GALNT10: variants seen among roughly 807,000 people sequenced by gnomAD.
GALNT10 encodes the protein polypeptide N-acetylgalactosaminyltransferase 10.
A neutral mutation model predicts 75.0 loss-of-function variants in GALNT10; 41 were observed. That is an observed-to-expected ratio of 0.55 (90% CI 0.43 to 0.71). The LOEUF (loss-of-function observed/expected upper bound fraction) is 0.71, where lower values mean the gene tolerates loss of function less well. GALNT10 is among the 30% of genes least tolerant of loss of function. GALNT10 has a pLI of 0.00. For missense variants in GALNT10, 727 were observed against 818.5 expected, an observed-to-expected ratio of 0.89 and a Z score of 1.36; for synonymous variants, 302 against 313.0, an observed-to-expected ratio of 0.96 and a Z score of 0.37.
At position 154,380,645 on chromosome 5, in the gene GALNT10, AC is replaced by A. The variant is rs779117660; in HGVS notation, c.938+17del. 5 of 1,588,766 alleles carry A rather than the reference AC, an allele frequency of 3.1e-6. No homozygotes were observed. Among genetic ancestry groups the A allele is most frequent in the African/African-American group, 1.3e-5 (1 of 74,422 alleles). On this transcript the variant is annotated intron_variant, in intron 6 of 11. Transcript: ENST00000297107. ...CGACCCATTTGAGTAAGTATGAACA[AC>A]CCTGGCTGGTCCCAGTGGCTACCCA...
Position 154,292,856 on chromosome 5 carries a change from C to T in GALNT10, c.160-1960C>T, listed in dbSNP as rs79271542. ...TCTTCCCAAGGCAGTGCCGGGGTCC[C>T]CTCCTGTAGAACTGTATCCTGAACT... On this transcript the variant is annotated intron_variant, in intron 1 of 11. Transcript: ENST00000297107. Among the ~76,000 whole-genome samples the T allele has an allele frequency of 9.5e-3, 1,444 of 152,266 alleles. 16 individuals are homozygous for T. The highest frequency in any genetic ancestry group is 0.033 in the African/African-American group (1,365 of 41,540).
At chr5:154,370,274 A>G (rs1755546132) in intron 4 of GALNT10, among the ~76,000 whole-genome samples, 1 of 152,236 alleles carries the variant, frequency 6.6e-6, no homozygotes, top group Non-Finnish European at 1.5e-5. Context: ...CCCTGGTGAG[A>G]GGAGCATTCA....
At chr5:154,322,392 A>T (rs1172092787) in intron 3 of GALNT10, among the ~76,000 whole-genome samples, 1 of 152,046 alleles carries the variant, frequency 6.6e-6, no homozygotes, top group Admixed American at 6.5e-5. Flanking sequence ...CTTCTGTCTC[A>T]TCTTTTAATG....
At chr5:154,406,086 C>T (rs1412983870) in intron 8 of GALNT10, 1 of 151,852 alleles carries the variant, frequency 6.6e-6, no homozygotes, top group East Asian at 1.9e-4. Flanking sequence ...GAACATGAAA[C>T]GTGATGTTGG....
intron 1 of GALNT10, among the ~76,000 whole-genome samples, chr5:154,238,677 G>A (rs1753286281): frequency 6.6e-6 from 1 of 152,096 alleles, no homozygotes; most frequent in Non-Finnish European, 1.5e-5. Flanking sequence ...GGCTGCCGTG[G>A]GGGATTCATT....
chr5:154,388,358 C>T (rs907139241), intron 7 of GALNT10: 1 of 152,226 alleles, frequency 6.6e-6, no homozygotes, highest in African/African-American at 2.4e-5. Context: ...AACAATGGTG[C>T]ATCCACTCCA....
chr5:154,374,881 T>C (rs1755630913), intron 4 of GALNT10, among the ~76,000 whole-genome samples: 1 of 152,212 alleles, frequency 6.6e-6, no homozygotes, highest in Admixed American at 6.5e-5. Context: ...ATCTAAAATC[T>C]TACAACAAAT....
intron 1 of GALNT10, among the ~76,000 whole-genome samples, chr5:154,270,491 A>G (rs1467691711): frequency 6.6e-6 from 1 of 152,002 alleles, no homozygotes; most frequent in Non-Finnish European, 1.5e-5. Flanking sequence ...TCCCTGGTTG[A>G]ACAACATGAG....
At chr5:154,386,277 T>C (rs369551431) in intron 6 of GALNT10, 36 bp from the exon 7 acceptor site, 37 of 1,471,882 alleles carry the variant, frequency 2.5e-5, no homozygotes, top group African/African-American at 5.5e-5. Context: ...GGCCAGGACA[T>C]CTGCACCTTC....
intron 1 of GALNT10, among the ~76,000 whole-genome samples, chr5:154,261,240 T>G (rs72808626): frequency 0.033 from 5,052 of 151,838 alleles, 111 homozygotes; most frequent in Middle Eastern, 0.1. Context: ...AAAGTTCTGA[T>G]GGCTCATAAG....
At chr5:154,370,780 T>C (rs1755551514) in intron 4 of GALNT10, among the ~76,000 whole-genome samples, 1 of 152,102 alleles carries the variant, frequency 6.6e-6, no homozygotes, top group African/African-American at 2.4e-5. Flanking sequence ...CAAGATGCAA[T>C]GTACTGCTGC....
rs1270551985 is a variant in GALNT10 at position 154,329,756 on chromosome 5, C to G, written c.568+18C>G. On this transcript the variant is annotated intron_variant, in intron 4 of 11. Coordinates refer to ENST00000297107, the MANE Select transcript of GALNT10 (RefSeq NM_198321.4). Reference sequence around the variant, plus strand: ...TGATCGAGGTAGGATCCGTCCCACCCAGCCTCCCACCCTCTGTGCTTCATC... The same window carrying G: ...TGATCGAGGTAGGATCCGTCCCACCGAGCCTCCCACCCTCTGTGCTTCATC... 29 of 1,590,924 alleles carry G rather than the reference C, an allele frequency of 1.8e-5. No individual in the cohort carries two copies. Among genetic ancestry groups the G allele is most frequent in the Non-Finnish European group, 2.4e-5 (28 of 1,160,086 alleles).
intron 4 of GALNT10, among the ~76,000 whole-genome samples, chr5:154,340,137 C>G (rs772598293): frequency 6.6e-6 from 1 of 152,220 alleles, no homozygotes; most frequent in African/African-American, 2.4e-5. Context: ...AATAACTAAC[C>G]TGCTCTAGTG....
At chr5:154,248,249 C>T (rs563605790) in intron 1 of GALNT10, among the ~76,000 whole-genome samples, 208 of 152,342 alleles carry the variant, frequency 1.4e-3, no homozygotes, top group African/African-American at 4.9e-3. Context: ...TGATGTTCAT[C>T]AGGGATATTG....
chr5:154,219,834 T>TCACACACACACACACACACACACACACA, intron 1 of GALNT10, among the ~76,000 whole-genome samples: 1 of 129,716 alleles, frequency 7.7e-6, no homozygotes, highest in Admixed American at 8.1e-5. Context: ...TCTCTCTCTC[T>TCACACACACACACACACACACACACACA]CTCTCACACA....
intron 4 of GALNT10, among the ~76,000 whole-genome samples, chr5:154,359,348 A>C: frequency 6.6e-6 from 1 of 152,048 alleles, no homozygotes; most frequent in East Asian, 1.9e-4. Context: ...TCGGTGGAGC[A>C]GTCCTGCCTC....
At chr5:154,194,795 C>A (rs1398968621) in intron 1 of GALNT10, among the ~76,000 whole-genome samples, 1 of 152,234 alleles carries the variant, frequency 6.6e-6, no homozygotes, top group Non-Finnish European at 1.5e-5. Flanking sequence ...TGGGCTCAGA[C>A]TGTTTCTCAG....
rs549562767 is a variant in GALNT10, at chr5:154,232,392, G to A, written c.159+41367G>A. 2.0e-5 allele frequency among the ~76,000 whole-genome samples: 3 copies of A among 152,306 alleles called. No individual in the cohort carries two copies. In the South Asian group the frequency reaches 6.2e-4, roughly 32 times the overall value. On this transcript the variant is annotated intron_variant, in intron 1 of 11. Coordinates refer to ENST00000297107, the MANE Select transcript of GALNT10 (RefSeq NM_198321.4). The stretch of plus-strand genomic sequence containing the variant: ...TCATTTACTTATTCAATACACTTGT[G>A]GCTAATGCCTGCTATGTGCCAGGCA...
intron 1 of GALNT10, among the ~76,000 whole-genome samples, chr5:154,233,355 A>G (rs992660429): frequency 6.6e-6 from 1 of 152,212 alleles, no homozygotes; most frequent in African/African-American, 2.4e-5. Flanking sequence ...TATTACAAGG[A>G]AATAAATGAA....
Sources: allele counts gnomAD v4.1 joint callset (sites outside exome capture counted in the v4.1 genomes callset), GRCh38; gene constraint gnomAD v4.1.1; transcripts MANE v1.5; gene names NCBI Gene and HGNC (gene_info 2026-07-23, HGNC 2026-07-21).